The following PLAGL1 variants were observed in gnomAD, a reference collection of about 807,000 sequenced individuals.
PLAGL1 encodes zinc finger protein PLAGL1.
PLAGL1 carries 1 observed loss-of-function variant against 4.6 expected under a neutral mutation model. The observed-to-expected ratio is 0.22, with a 90% CI of 0.08 to 1.03. The LOEUF (loss-of-function observed/expected upper bound fraction) is 1.03. Ranked by LOEUF, PLAGL1 falls within the 50% of genes least tolerant of loss-of-function variation. The pLI, the probability that PLAGL1 is intolerant of heterozygous loss-of-function variation, is 0.58. For synonymous variants in PLAGL1, 240 were observed against 237.8 expected (o/e 1.01, Z -0.08); for missense variants, 464 against 570.4 (o/e 0.81, Z 1.90).
intron 1 of PLAGL1, among the ~76,000 whole-genome samples, chr6:144,037,982 T>C (rs542478804): frequency 6.6e-6 from 1 of 152,216 alleles, no homozygotes; most frequent in Admixed American, 6.5e-5. Context: ...CTCCCACCTA[T>C]GCAAAGAGAA....
Position 143,942,017 on chromosome 6 carries a change from G to T in PLAGL1, c.799C>A (p.Pro267Thr), listed in dbSNP as rs949031737. Residue 267 changes from proline to threonine, a missense_variant, in exon 8 of 8, where the codon CCC becomes ACC. Physicochemically the swap from Pro to Thr is conservative, Grantham distance 38. Coordinates refer to ENST00000674357, the MANE Select transcript of PLAGL1 (RefSeq NM_001317162.2). This position sits in a 1 kb window ranked among gnomAD's most constrained non-coding sequence, Gnocchi z 7.6. ...PAEVHSLTLSPPEQAAQPMQP... is the reference protein window; with the variant it reads ...PAEVHSLTLSTPEQAAQPMQP... ...ATAGGCTGGGCGGCTTGTTCTGGGG[G>T]ACTGAGGGTGAGGCTATGGACCTCA... The T allele has an allele frequency of 1.3e-6, 2 of 1,596,238 alleles. No individual in the cohort carries two copies. Among genetic ancestry groups the T allele is most frequent in the African/African-American group, 1.3e-5 (1 of 74,472 alleles).
In PLAGL1 at chr6:143,957,978, G is replaced by A. The variant is rs1346246742; in HGVS notation, c.-325+2491C>T. 6.6e-6 allele frequency among the ~76,000 whole-genome samples: 1 copy of A among 152,214 alleles called. No homozygotes were observed. Among genetic ancestry groups the A allele is most frequent in the Non-Finnish European group, 1.5e-5 (1 of 68,044 alleles). On this transcript the variant is annotated intron_variant, in intron 6 of 7. Transcript: ENST00000674357. This position sits in a 1 kb window ranked among gnomAD's most constrained non-coding sequence, Gnocchi z 4.2. The stretch of plus-strand genomic sequence containing the variant: ...GGAGTATACCCGGTTGACAAATGGA[G>A]GAGGCATATTGCAGAGGCAGAGGGG...
Position 144,061,800 on chromosome 6 carries a change from A to G in PLAGL1, c.-151+2668T>C, listed in dbSNP as rs900302363. On this transcript the variant is annotated intron_variant, in intron 1 of 3. Coordinates refer to the PLAGL1 transcript ENST00000437412. The surrounding 1 kb of genome is among the most constrained non-coding windows in gnomAD (Gnocchi z 4.4). ...TTCCTCCTCCCAATCTCCCTCTTCT[A>G]GTTATTCCTTTTTTTAATTCCTCTT... 6.6e-6 allele frequency among the ~76,000 whole-genome samples: 1 copy of G among 152,010 alleles called. No homozygotes were observed. The highest frequency in any genetic ancestry group is 2.4e-5 in the African/African-American group (1 of 41,382).
intron 1 of PLAGL1, among the ~76,000 whole-genome samples, chr6:144,020,805 T>C (rs1436415814): frequency 6.9e-6 from 1 of 145,944 alleles, no homozygotes; most frequent in Non-Finnish European, 1.5e-5. Flanking sequence ...CATATAACTA[T>C]ATATATTTAT....
rs1793867155 is a variant in PLAGL1, at chr6:144,005,039, T to C, written c.-584+3051A>G. 6.6e-6 allele frequency: 1 copy of C among 150,902 alleles called. No homozygotes were observed. Among genetic ancestry groups the C allele is most frequent in the Non-Finnish European group, 1.5e-5 (1 of 67,766 alleles). 9.3% of individuals were successfully genotyped at this position (150,902 alleles called of 1,614,324 possible). A position where few individuals can be genotyped will look rare whatever the true frequency, so the allele number is the denominator to read the frequency against. On this transcript the variant is annotated intron_variant, in intron 1 of 7. Coordinates refer to ENST00000674357, the MANE Select transcript of PLAGL1 (RefSeq NM_001317162.2). The surrounding 1 kb of genome is among the most constrained non-coding windows in gnomAD (Gnocchi z 4.6). The stretch of plus-strand genomic sequence containing the variant: ...ATAAAGTGTATGTGTATATATTATA[T>C]ATATACACACACCTACATACATTGC...
rs985419098 is a variant in PLAGL1, at chr6:143,961,024, A to G, written c.-398-482T>C. 1.3e-5 allele frequency: 2 copies of G among 152,262 alleles called. No individual in the cohort carries two copies. The highest frequency in any genetic ancestry group is 2.9e-5 in the Non-Finnish European group (2 of 68,046). The allele number at this position is 152,262 out of a possible 1,614,324, so 9.4% of individuals were successfully genotyped here. On this transcript the variant is annotated intron_variant, in intron 5 of 7. Transcript: ENST00000674357. This position sits in a 1 kb window ranked among gnomAD's most constrained non-coding sequence, Gnocchi z 6.5. ...GCAGTGCAAGAAGGTTGAAGTCTCT[A>G]AGTTGAATACTGAATTAAATGGTTA...
chr6:144,052,830 C>A (rs1798676456), intron 1 of PLAGL1, among the ~76,000 whole-genome samples: 2 of 152,104 alleles, frequency 1.3e-5, no homozygotes, highest in South Asian at 4.1e-4. Context: ...ATTCTATCAA[C>A]AATGTGTTTA....
At chr6:144,058,403 G>A (rs1799146804) in intron 1 of PLAGL1, among the ~76,000 whole-genome samples, 1 of 152,146 alleles carries the variant, frequency 6.6e-6, no homozygotes, top group South Asian at 2.1e-4. Flanking sequence ...ATTTCAACAT[G>A]AGATTTGGAG....
chr6:143,974,942 T>C (rs1273087729), intron 2 of PLAGL1, among the ~76,000 whole-genome samples: 1 of 152,208 alleles, frequency 6.6e-6, no homozygotes. Flanking sequence ...AAAACACTTA[T>C]CAATCCATTT....
rs113582681 is a variant in PLAGL1, at chr6:143,958,074, G to T, written c.-325+2395C>A. On this transcript the variant is annotated intron_variant, in intron 6 of 7. Transcript: ENST00000674357. The surrounding 1 kb of genome is among the most constrained non-coding windows in gnomAD (Gnocchi z 5.1). ...GGAACACGTGGTGCAGCCTGGCTGG[G>T]ATGGGCAGGAGAGGGGCCTGTGTCA... 6.6e-6 allele frequency among the ~76,000 whole-genome samples: 1 copy of T among 152,196 alleles called. No homozygotes were observed. Among genetic ancestry groups the T allele is most frequent in the African/African-American group, 2.4e-5 (1 of 41,442 alleles).
At position 144,036,804 on chromosome 6, in the gene PLAGL1, G is replaced by T; in HGVS notation, c.-151+27664C>A. On this transcript the variant is annotated intron_variant, in intron 1 of 3. Coordinates refer to the PLAGL1 transcript ENST00000437412. The surrounding 1 kb of genome is among the most constrained non-coding windows in gnomAD (Gnocchi z 5.1). ...GGCAGACCTGCTAAATGCCCATTAT[G>T]ACACTATTTGACTAAACAGGTTTGA... The T allele has an allele frequency of 1.8e-5, 6 of 332,358 alleles. No individual in the cohort carries two copies. Among genetic ancestry groups the T allele is most frequent in the South Asian group, 1.2e-4 (5 of 40,214 alleles). The allele number at this position is 332,358 out of a possible 1,614,324, so 20.6% of individuals were successfully genotyped here. A position where few individuals can be genotyped will look rare whatever the true frequency, so the allele number is the denominator to read the frequency against.
At chr6:144,030,533 T>A (rs1217458385) in intron 1 of PLAGL1, among the ~76,000 whole-genome samples, 1 of 152,174 alleles carries the variant, frequency 6.6e-6, no homozygotes, top group Non-Finnish European at 1.5e-5. Context: ...AAGTCCAATG[T>A]ATCATTCTTA....
rs564599840 is a variant in PLAGL1, at chr6:144,044,769, G to A, written c.-151+19699C>T. Among the ~76,000 whole-genome samples, 157 of 152,210 alleles carry A rather than the reference G, an allele frequency of 1.0e-3. 1 individual carries two copies. The highest frequency in any genetic ancestry group is 4.9e-4 in the Non-Finnish European group (33 of 68,006). The stretch of plus-strand genomic sequence containing the variant: ...TCAATCTGTCTAATATTGACAGTGC[G>A]GTGTTAATGTCTCCCATCATTATTG... On this transcript the variant is annotated intron_variant, in intron 1 of 3. Coordinates refer to the PLAGL1 transcript ENST00000437412.
In PLAGL1 at chr6:144,027,245, A is replaced by AAGAAAGAAAGAAAGAT. The variant is rs1796424597; in HGVS notation, c.-151+37222_-151+37223insATCTTTCTTTCTTTCT. On this transcript the variant is annotated intron_variant, in intron 1 of 3. Transcript: ENST00000437412. The surrounding 1 kb of genome is among the most constrained non-coding windows in gnomAD (Gnocchi z 5.8). ...ACTCAAAGAACGAACGAAAGAAAGA[A>AAGAAAGAAAGAAAGAT]AGAAAGAAAGAAAGAAAGAAAGAAA... 2.4e-5 allele frequency among the ~76,000 whole-genome samples: 3 copies of AAGAAAGAAAGAAAGAT among 126,990 alleles called. No homozygotes were observed. Among genetic ancestry groups the AAGAAAGAAAGAAAGAT allele is most frequent in the African/African-American group, 8.5e-5 (3 of 35,258 alleles). 83.3% of individuals were successfully genotyped at this position (126,990 alleles called of 152,430 possible). A position where few individuals can be genotyped will look rare whatever the true frequency, so the allele number is the denominator to read the frequency against.
rs72546305 is a variant in PLAGL1 at position 143,942,796 on chromosome 6, AT to A, written c.153-134del. The A allele has an allele frequency of 1.4e-5, 9 of 625,418 alleles. No homozygotes were observed. Among genetic ancestry groups the A allele is most frequent in the Admixed American group, 1.0e-4 (3 of 29,788 alleles). 38.7% of individuals were successfully genotyped at this position (625,418 alleles called of 1,614,324 possible). A position where few individuals can be genotyped will look rare whatever the true frequency, so the allele number is the denominator to read the frequency against. On this transcript the variant is annotated intron_variant, in intron 7 of 7. Coordinates refer to ENST00000674357, the MANE Select transcript of PLAGL1 (RefSeq NM_001317162.2). This position sits in a 1 kb window ranked among gnomAD's most constrained non-coding sequence, Gnocchi z 7.6. ...TATAATTTTCAAAATTCTTTCATAT[AT>A]TTTCCAAATATATAAACTTTTATAA...
chr6:143,942,621 A>G lies in PLAGL1; in HGVS notation c.195T>C (p.Ala65=), dbSNP rs1289652487. 6.2e-7 allele frequency: 1 copy of G among 1,613,898 alleles called. No homozygotes were observed. The highest frequency in any genetic ancestry group is 8.5e-7 in the Non-Finnish European group (1 of 1,179,854). Residue 65 remains alanine (A), a synonymous_variant, in exon 8 of 8, where the codon GCT becomes GCC. Coordinates refer to ENST00000674357, the MANE Select transcript of PLAGL1 (RefSeq NM_001317162.2). The surrounding 1 kb of genome is among the most constrained non-coding windows in gnomAD (Gnocchi z 7.6). ...TCCGGTTGAACGTCTTCTCACAGTG[A>G]GCACACTGGTGAGATTTCTGGGGAG... ...THSPQKSHQC[A]HCEKTFNRKD...
intron 1 of PLAGL1, among the ~76,000 whole-genome samples, chr6:144,047,996 C>T (rs1798289730): frequency 6.6e-6 from 1 of 152,176 alleles, no homozygotes. Flanking sequence ...TAGATAAATG[C>T]TCCCATTCCA....
Position 144,045,592 on chromosome 6 carries a change from C to G in PLAGL1, c.-151+18876G>C, listed in dbSNP as rs542970435. On this transcript the variant is annotated intron_variant, in intron 1 of 3. Coordinates refer to the PLAGL1 transcript ENST00000437412. ...TGATGGGCTTCCCTTTGTGGGTAAC[C>G]CGACCTTTCTCTCTGGCTGCCCTTA... Among the ~76,000 whole-genome samples, 240 of 152,290 alleles carry G rather than the reference C, an allele frequency of 1.6e-3. 2 individuals carry two copies. Among genetic ancestry groups the G allele is most frequent in the African/African-American group, 5.6e-3 (232 of 41,560 alleles).
At chr6:144,002,565 T>G (rs925621795) in intron 1 of PLAGL1, among the ~76,000 whole-genome samples, 1 of 151,984 alleles carries the variant, frequency 6.6e-6, no homozygotes, top group Non-Finnish European at 1.5e-5. Context: ...AAACTATAAG[T>G]GAATTTAGCA....
Sources: gnomAD v4.1 joint callset for allele counts (sites outside exome capture counted in the v4.1 genomes callset) on GRCh38, gnomAD v4.1.1 for gene constraint, Gnocchi (gnomAD v3.1) non-coding constraint, MANE v1.5 for transcripts, NCBI Gene and HGNC (gene_info 2026-07-23, HGNC 2026-07-21) for gene names.